The following TENM1 variants were observed in gnomAD, a reference collection of about 807,000 sequenced individuals.
The protein encoded by TENM1 is teneurin-1.
In TENM1, 35 loss-of-function variants were observed where a neutral mutation model predicts 174.8. That is an observed-to-expected ratio of 0.20 (90% CI 0.15 to 0.27). The LOEUF (loss-of-function observed/expected upper bound fraction) is 0.27. TENM1 is among the 10% of genes least tolerant of loss of function. TENM1 has a pLI of 1.00. For missense variants in TENM1, 1,633 were observed against 2,130.1 expected (o/e 0.77, Z 4.59); for synonymous variants, 781 against 798.7 (o/e 0.98, Z 0.37).
At chrX:124,531,534 C>T (rs145288132) in intron 15 of TENM1, among the ~76,000 whole-genome samples, 132 of 112,257 alleles carry the variant, frequency 1.2e-3, no homozygotes, top group African/African-American at 3.9e-3. Context: ...TTAAGTATTA[C>T]GCAAAGTAAG....
At chrX:124,423,563 G>A (rs1218096355) in intron 23 of TENM1, among the ~76,000 whole-genome samples, 3 of 111,002 alleles carry the variant, frequency 2.7e-5, no homozygotes, top group Non-Finnish European at 5.7e-5. Flanking sequence ...ACCTGGACTA[G>A]GAGTCAGGAG....
At chrX:124,740,880 C>T (rs1422179256) in intron 3 of TENM1, among the ~76,000 whole-genome samples, 1 of 111,403 alleles carries the variant, frequency 9.0e-6, no homozygotes, top group Non-Finnish European at 1.9e-5. Context: ...ACACTCACTT[C>T]CAAATGTATC....
chrX:124,815,535 G>A (rs966587519), intron 3 of TENM1, among the ~76,000 whole-genome samples: 1 of 111,240 alleles, frequency 9.0e-6, no homozygotes, highest in East Asian at 2.8e-4. Flanking sequence ...TTTAAATAAC[G>A]ATTGTCCTTT....
chrX:124,625,267 T>C (rs183909437), intron 11 of TENM1, among the ~76,000 whole-genome samples: 126 of 111,295 alleles, frequency 1.1e-3, no homozygotes, highest in Non-Finnish European at 2.1e-3. Context: ...AAAGACTGAT[T>C]TGTCCCAAAG....
rs187352514 is a variant in TENM1 at position 124,803,119 on chromosome X, T to C, written c.536-65922A>G. ...CACATTTTTTCCCAGTGATCAAACA[T>C]TTTAATCACATAGAAAAGTACCAAG... On this transcript the variant is annotated intron_variant, in intron 3 of 31. Transcript: ENST00000422452. Among the ~76,000 whole-genome samples, 699 of 112,289 alleles carry C rather than the reference T, an allele frequency of 6.2e-3. 7 individuals are homozygous for C. Among genetic ancestry groups the C allele is most frequent in the African/African-American group, 0.021 (659 of 30,932 alleles).
At chrX:124,500,494 C>A (rs2047304891) in intron 19 of TENM1, among the ~76,000 whole-genome samples, 1 of 111,669 alleles carries the variant, frequency 9.0e-6, no homozygotes, top group African/African-American at 3.3e-5. Flanking sequence ...GTTTCTTCTG[C>A]CACACATGCT....
At chrX:125,027,449 G>T in the TENM1 span, among the ~76,000 whole-genome samples, 4 of 111,516 alleles carry the variant, frequency 3.6e-5, no homozygotes, top group African/African-American at 1.3e-4. Flanking sequence ...TCATGAATTA[G>T]AAGACTGAAC....
At chrX:125,200,654 T>TGTGTGTGAGA in the TENM1 span, among the ~76,000 whole-genome samples, 68 of 92,418 alleles carry the variant, frequency 7.4e-4, no homozygotes, top group African/African-American at 2.7e-3. Flanking sequence ...TGTGTGTGTG[T>TGTGTGTGAGA]GAGAGAGAGA....
chrX:124,819,012 A>G (rs2055971951), intron 3 of TENM1, among the ~76,000 whole-genome samples: 1 of 111,982 alleles, frequency 8.9e-6, no homozygotes, highest in Admixed American at 9.5e-5. Context: ...TTGCAAGGGT[A>G]TGCACCCCAG....
exon 32 of TENM1, chrX:124,376,762 CTTTTT>C (rs1295333655): frequency 9.3e-6 from 1 of 107,657 alleles, no homozygotes; most frequent in Non-Finnish European, 1.9e-5. Flanking sequence ...GTTTTTTGCG[CTTTTT>C]TTGTTTTTTT....
At chrX:124,584,914 C>A (rs2049451711) in intron 11 of TENM1, among the ~76,000 whole-genome samples, 1 of 109,415 alleles carries the variant, frequency 9.1e-6, no homozygotes, top group African/African-American at 3.4e-5. Context: ...GACTTTAAAC[C>A]AACAAAGATC....
the TENM1 span, among the ~76,000 whole-genome samples, chrX:125,081,465 T>C: frequency 5.4e-5 from 6 of 110,957 alleles, no homozygotes; most frequent in African/African-American, 2.0e-4. Flanking sequence ...ACTTACACCT[T>C]CACATCAGTA....
At chrX:124,575,183 A>G (rs1022414597) in intron 11 of TENM1, among the ~76,000 whole-genome samples, 3 of 111,995 alleles carry the variant, frequency 2.7e-5, no homozygotes, top group Admixed American at 9.5e-5. Flanking sequence ...TCTCTAACCA[A>G]TCTTTACAAG....
chrX:124,712,671 G>A lies in TENM1; in HGVS notation c.777-7420C>T, dbSNP rs1405183810. Among the ~76,000 whole-genome samples the A allele has an allele frequency of 1.5e-4, 16 of 110,042 alleles. 1 individual carries two copies. In the Admixed American group the frequency reaches 1.6e-3, roughly 11 times the overall value. On this transcript the variant is annotated intron_variant, in intron 4 of 31. Coordinates refer to ENST00000422452, the Ensembl canonical transcript of TENM1. ...TAATTTTTGTATTTTTAGTAGAGAC[G>A]GGGTTTCACCATGTTGGCCAGGGTG... is the stretch of plus-strand genomic sequence containing the variant.
chrX:124,442,913 C>T (rs753193927), intron 23 of TENM1, among the ~76,000 whole-genome samples: 60 of 110,763 alleles, frequency 5.4e-4, no homozygotes, highest in Non-Finnish European at 8.5e-4. Context: ...ATCTGCCCAC[C>T]TCAGCCTCTG....
chrX:124,958,959 C>G (rs748366038), intron 1 of TENM1, among the ~76,000 whole-genome samples: 3 of 110,818 alleles, frequency 2.7e-5, no homozygotes, highest in South Asian at 7.8e-4. Context: ...TAAAAGGCAT[C>G]TAGTACCGTA....
At chrX:124,918,947 C>G (rs760562272) in intron 1 of TENM1, among the ~76,000 whole-genome samples, 6 of 112,205 alleles carry the variant, frequency 5.3e-5, no homozygotes, top group Non-Finnish European at 1.1e-4. Flanking sequence ...CACATCTATG[C>G]TAAACATTGT....
the TENM1 span, among the ~76,000 whole-genome samples, chrX:125,183,244 G>A: frequency 9.0e-6 from 1 of 111,429 alleles, no homozygotes; most frequent in Non-Finnish European, 1.9e-5. Context: ...TCTGACGTGA[G>A]ACAGAAAAAT....
intron 18 of TENM1, 141 bp downstream of exon 21, chrX:124,520,376 G>T (rs2047814221): frequency 1.7e-6 from 1 of 593,984 alleles, no homozygotes; most frequent in East Asian, 3.5e-5. Context: ...TGGCCTCAAG[G>T]TAGTGTTTAA....
Sources: gnomAD v4.1 joint callset for allele counts (sites outside exome capture counted in the v4.1 genomes callset) on GRCh38, gnomAD v4.1.1 for gene constraint, MANE v1.5 for transcripts, NCBI Gene and HGNC (gene_info 2026-07-23, HGNC 2026-07-21) for gene names.